NCOA2: variants seen among roughly 807,000 people sequenced by gnomAD.
NCOA2 encodes the protein nuclear receptor coactivator 2.
NCOA2 carries 21 observed loss-of-function variants against 145.1 expected under a neutral mutation model. The ratio of observed to expected loss-of-function variants is 0.14; its 90% CI spans 0.10 to 0.21. The LOEUF (loss-of-function observed/expected upper bound fraction) is 0.21, where lower values mean the gene tolerates loss of function less well. Among genes scored for constraint, NCOA2 ranks in the 10% least tolerant of loss-of-function variants. The pLI is 1.00. For synonymous variants in NCOA2, 619 were observed against 637.5 expected (o/e 0.97, Z 0.44); for missense variants, 1,472 against 1,837.6 (o/e 0.80, Z 3.64).
chr8:70,260,967 G>A (rs138365068), intron 2 of NCOA2, among the ~76,000 whole-genome samples: 3,050 of 152,266 alleles, frequency 0.02, 123 homozygotes, highest in African/African-American at 0.07. Context: ...TGCTGGAGAG[G>A]ATGTGGAGAA....
chr8:70,186,388 C>T (rs920687546), intron 4 of NCOA2, among the ~76,000 whole-genome samples: 1 of 152,196 alleles, frequency 6.6e-6, no homozygotes, highest in Non-Finnish European at 1.5e-5. Flanking sequence ...CCTCCCCTGA[C>T]CAGCTAATCT....
At chr8:70,253,010 A>G (rs2134792275) in intron 2 of NCOA2, among the ~76,000 whole-genome samples, 1 of 152,298 alleles carries the variant, frequency 6.6e-6, no homozygotes, top group East Asian at 1.9e-4. Context: ...GTACTGTTAA[A>G]TGCTTTTGAA....
At chr8:70,163,002 C>G (rs1250033806) in intron 8 of NCOA2, 148 bp from the exon 9 acceptor site, 3 of 733,376 alleles carry the variant, frequency 4.1e-6, no homozygotes, top group African/African-American at 3.7e-5. Context: ...GCAACCTCTA[C>G]CTCCTGGGGT....
Position 70,159,222 on chromosome 8 carries a change from T to TTATA in NCOA2, c.1124+279_1124+282dup, listed in dbSNP as rs6150644. On this transcript the variant is annotated intron_variant, in intron 10 of 22. Coordinates refer to ENST00000452400, the MANE Select transcript of NCOA2 (RefSeq NM_006540.4). The stretch of plus-strand genomic sequence containing the variant: ...ATAATACAAATAATACAGTATAACA[T>TTATA]TATATATATATATATATATATTTTT... Among the ~76,000 whole-genome samples, 6 of 44,490 alleles carry TTATA rather than the reference T, an allele frequency of 1.3e-4. 1 individual carries two copies. The highest frequency in any genetic ancestry group is 4.0e-4 in the African/African-American group (6 of 14,968). The allele number at this position is 44,490 out of a possible 152,430, so 29.2% of individuals were successfully genotyped here.
chr8:70,162,679 T>C (rs761795697), intron 9 of NCOA2, 32 bp downstream of exon 9: 2 of 1,588,028 alleles, frequency 1.3e-6, no homozygotes, highest in Non-Finnish European at 1.7e-6. Context: ...CAGGAAGCAA[T>C]AATTTAAGAA....
chr8:70,434,179 C>G, the NCOA2 span, among the ~76,000 whole-genome samples: 1 of 152,190 alleles, frequency 6.6e-6, no homozygotes, highest in South Asian at 2.1e-4. Flanking sequence ...GCAGGATAAA[C>G]AGAACCCACT....
chr8:70,110,663 T>G lies in NCOA2; in HGVS notation c.*2969A>C, dbSNP rs1036989650. The G allele has an allele frequency of 2.8e-5, 6 of 213,778 alleles. No homozygotes were observed. The highest frequency in any genetic ancestry group is 1.8e-4 in the Admixed American group (3 of 17,122). 13.2% of individuals were successfully genotyped at this position (213,778 alleles called of 1,614,324 possible). On this transcript the variant is annotated 3_prime_UTR_variant, in exon 23 of 23. Coordinates refer to ENST00000452400, the MANE Select transcript of NCOA2 (RefSeq NM_006540.4). Reference sequence around the variant, plus strand: ...GTGTTAAGCCCATATGAACTCCATTTTTGAACACAGATTAAAAATTGCATT... The same window carrying G: ...GTGTTAAGCCCATATGAACTCCATTGTTGAACACAGATTAAAAATTGCATT...
At chr8:70,205,303 A>G (rs1455995225) in intron 4 of NCOA2, among the ~76,000 whole-genome samples, 1 of 152,188 alleles carries the variant, frequency 6.6e-6, no homozygotes, top group Non-Finnish European at 1.5e-5. Flanking sequence ...TTGGATAGGG[A>G]GGAAAGAATA....
the NCOA2 span, among the ~76,000 whole-genome samples, chr8:70,416,187 GT>G: frequency 2.5e-4 from 34 of 136,798 alleles, no homozygotes; most frequent in African/African-American, 9.1e-4. Flanking sequence ...GGGGACCTCA[GT>G]TTTTTTGTTT....
At chr8:70,201,844 A>G (rs1817926481) in intron 4 of NCOA2, among the ~76,000 whole-genome samples, 1 of 152,192 alleles carries the variant, frequency 6.6e-6, no homozygotes, top group Admixed American at 6.5e-5. Flanking sequence ...AATGTCCAGA[A>G]AGGAGATGTC....
At chr8:70,410,845 G>C in the NCOA2 span, among the ~76,000 whole-genome samples, 1 of 152,184 alleles carries the variant, frequency 6.6e-6, no homozygotes, top group Admixed American at 6.5e-5. Context: ...GAATACTACA[G>C]GTGCAGGCAA....
Position 70,121,369 on chromosome 8 carries a change from C to G in NCOA2, c.4316G>C (p.Gly1439Ala). The G allele has an allele frequency of 6.2e-7, 1 of 1,612,076 alleles. No individual in the cohort carries two copies. The highest frequency in any genetic ancestry group is 8.5e-7 in the Non-Finnish European group (1 of 1,179,000). Reference sequence around the variant, plus strand: ...CAGCTGGTTTGGGAACAGGTTGCCTCCCCTCAGAGCAGGATCATTAACCTA... The same window carrying G: ...CAGCTGGTTTGGGAACAGGTTGCCTGCCCTCAGAGCAGGATCATTAACCTA... ...PEQVNDPALR[G>A]GNLFPNQLPG... Residue 1439 changes from glycine to alanine, a missense_variant, in exon 22 of 23, where the codon GGA becomes GCA. Around this residue, in one of 4 missense-constraint regions of NCOA2, gnomAD observed 232 missense variants for 290.6 expected, o/e 0.80. Coordinates refer to ENST00000452400, the MANE Select transcript of NCOA2 (RefSeq NM_006540.4).
rs1237370468 is a variant in NCOA2 at position 70,113,011 on chromosome 8, T to A, written c.*621A>T. 7 of 200,908 alleles carry A rather than the reference T, an allele frequency of 3.5e-5. No individual in the cohort carries two copies. Among genetic ancestry groups the A allele is most frequent in the Non-Finnish European group, 6.2e-5 (6 of 97,464 alleles). The allele number at this position is 200,908 out of a possible 1,614,324, so 12.4% of individuals were successfully genotyped here. On this transcript the variant is annotated 3_prime_UTR_variant, in exon 23 of 23. Transcript: ENST00000452400. ...ATCTGTTCAGTAACTGGAGACTCTT[T>A]CCAACATGGTCTTTAGAGCTTTCTA...
At chr8:70,386,790 T>G (rs191242392) in intron 1 of NCOA2, among the ~76,000 whole-genome samples, 3 of 152,316 alleles carry the variant, frequency 2.0e-5, no homozygotes, top group East Asian at 3.9e-4. Flanking sequence ...GCAACTCAAG[T>G]GTTATTATCC....
At chr8:70,380,458 C>G (rs989958239) in intron 1 of NCOA2, among the ~76,000 whole-genome samples, 2 of 152,116 alleles carry the variant, frequency 1.3e-5, no homozygotes, top group Non-Finnish European at 2.9e-5. Flanking sequence ...GACTCATGTT[C>G]CCAAGAATTC....
chr8:70,126,792 G>T, intron 19 of NCOA2, 21 bp downstream of exon 19: 1 of 1,595,640 alleles, frequency 6.3e-7, no homozygotes, highest in Non-Finnish European at 8.6e-7. Context: ...GTGAAAGGTG[G>T]TGGGGATCTA....
chr8:70,442,936 A>T, the NCOA2 span, among the ~76,000 whole-genome samples: 2 of 152,196 alleles, frequency 1.3e-5, no homozygotes, highest in African/African-American at 2.4e-5. Context: ...AGTGATATTG[A>T]CTCAGAATTA....
chr8:70,207,862 C>CAAAAAAAAAAAAAAA (rs754670876), intron 4 of NCOA2, among the ~76,000 whole-genome samples: 4 of 36,172 alleles, frequency 1.1e-4, no homozygotes, highest in African/African-American at 2.2e-4. Flanking sequence ...GACTCCACCT[C>CAAAAAAAAAAAAAAA]AAAAAAAAAA....
intron 2 of NCOA2, among the ~76,000 whole-genome samples, chr8:70,238,420 T>A (rs1377059256): frequency 4.6e-5 from 2 of 43,474 alleles, no homozygotes; most frequent in African/African-American, 2.0e-4. Context: ...AGAAAACAGA[T>A]TCAGAGAAGT....
Sources: gnomAD v4.1 joint callset for allele counts (sites outside exome capture counted in the v4.1 genomes callset) on GRCh38, gnomAD v4.1.1 for gene constraint, gnomAD v4.1.1 regional missense constraint, MANE v1.5 for transcripts, NCBI Gene and HGNC (gene_info 2026-07-23, HGNC 2026-07-21) for gene names.